The following SPATA46 variants were observed in gnomAD, a reference collection of about 807,000 sequenced individuals.
The protein encoded by SPATA46 is spermatogenesis associated 46.
Under a neutral mutation model 6.2 loss-of-function variants are expected in SPATA46, and 3 were observed. That is an observed-to-expected ratio of 0.48 (90% CI 0.22 to 1.25). SPATA46 has a LOEUF of 1.25. Ranked by LOEUF, SPATA46 falls within the 50% of genes most tolerant of loss-of-function variation. SPATA46 has a pLI of 0.20. For missense variants in SPATA46, 308 were observed against 323.5 expected, an observed-to-expected ratio of 0.95 and a Z score of 0.37; for synonymous variants, 117 against 123.3, an observed-to-expected ratio of 0.95 and a Z score of 0.34.
intron 1 of SPATA46, 66 bp downstream of exon 1, chr1:162,376,622 A>C: frequency 7.2e-7 from 1 of 1,393,460 alleles, no homozygotes; most frequent in Non-Finnish European, 1.0e-6. Context: ...ATGATCTGGT[A>C]GGGTACTCAA....
In SPATA46 at chr1:162,376,098, T is replaced by G. The variant is rs192154470; in HGVS notation, c.103+590A>C. On this transcript the variant is annotated intron_variant, in intron 1 of 2. Coordinates refer to ENST00000367935, the MANE Select transcript of SPATA46 (RefSeq NM_182581.4). ...GATCTGGGGTGGGAACCTGAGATTC[T>G]GCATTTCTAACAAGCTCCCAGACGA... Among the ~76,000 whole-genome samples, 148 of 152,294 alleles carry G rather than the reference T, an allele frequency of 9.7e-4. No homozygotes were observed. The Middle Eastern group carries it at 0.014, about 14-fold the overall frequency.
chr1:162,374,210 C>T lies in SPATA46; in HGVS notation c.624G>A (p.Glu208=). The change falls in exon 3 of 3, where the codon GAG becomes GAA. Residue 208 remains glutamate (E), a synonymous_variant. Coordinates refer to ENST00000367935, the MANE Select transcript of SPATA46 (RefSeq NM_182581.4). ...LKSHIKRGFR[E]GFSCKVYYRK... is the part of the protein sequence containing the mutation. ...GGTAGTACACCTTGCAGCTGAAGCC[C>T]TCCCTGAAGCCCCTCTTGATGTGGC... 6.2e-7 allele frequency: 1 copy of T among 1,614,020 alleles called. No homozygotes were observed. The highest frequency in any genetic ancestry group is 8.5e-7 in the Non-Finnish European group (1 of 1,179,872).
Position 162,374,325 on chromosome 1 carries a change from AGGATGTCCTG to A in SPATA46, c.499_508del (p.Gln167Ter). On this transcript the variant is annotated frameshift_variant, in exon 3 of 3. Transcript: ENST00000367935. LOFTEE classifies it low-confidence loss of function (END_TRUNC). ...TGCTGGGTGCCACCTGGAAGCCATT[AGGATGTCCTG>A]GGATGTGATGGAGTCCAGGCCATGC... 6.2e-7 allele frequency: 1 copy of A among 1,614,102 alleles called. No homozygotes were observed. Among genetic ancestry groups the A allele is most frequent in the South Asian group, 1.1e-5 (1 of 91,074 alleles).
At chr1:162,375,450 C>CCAGAAAGTGGAATCCCA in intron 1 of SPATA46, 47 bp from the exon 2 acceptor site, 1 of 1,529,044 alleles carries the variant, frequency 6.5e-7, no homozygotes, top group Non-Finnish European at 9.1e-7. Context: ...GTTGGGATTC[C>CCAGAAAGTGGAATCCCA]ACTTTCTGGG....
At chr1:162,376,002 G>T (rs1300075227) in intron 1 of SPATA46, among the ~76,000 whole-genome samples, 5 of 152,196 alleles carry the variant, frequency 3.3e-5, no homozygotes, top group Admixed American at 3.3e-4. Context: ...CCACTGAGCA[G>T]TACTTCTCCA....
rs765113492 is a variant in SPATA46, at chr1:162,374,555, CCGG to C, written c.276_278del (p.Tyr92_Arg93delinsTer). On this transcript the variant is annotated stop_gained and inframe_deletion, in exon 3 of 3. Transcript: ENST00000367935. LOFTEE classifies it low-confidence loss of function (END_TRUNC). The stretch of plus-strand genomic sequence containing the variant: ...AGTAGCTGTAGGGGGAGAACCAGGG[CCGG>C]TAGATAGTGCAGTTCCGCCTCAGCT... 19 of 1,614,128 alleles carry C rather than the reference CCGG, an allele frequency of 1.2e-5. No homozygotes were observed. The highest frequency in any genetic ancestry group is 1.5e-5 in the Non-Finnish European group (18 of 1,180,008).
At position 162,373,970 on chromosome 1, in the gene SPATA46, GT is replaced by G; in HGVS notation, c.*77del. The G allele has an allele frequency of 6.9e-7, 1 of 1,440,494 alleles. No individual in the cohort carries two copies. Among genetic ancestry groups the G allele is most frequent in the Non-Finnish European group, 9.4e-7 (1 of 1,065,024 alleles). The allele number at this position is 1,440,494 out of a possible 1,614,324, so 89.2% of individuals were successfully genotyped here. On this transcript the variant is annotated 3_prime_UTR_variant, in exon 3 of 3. Coordinates refer to ENST00000367935, the MANE Select transcript of SPATA46 (RefSeq NM_182581.4). ...ATTAGCCAAAGGTGATGAGAGCCGG[GT>G]TCTGGGAAGGACAGCAGGCTGTGCG...
At position 162,374,797 on chromosome 1, in the gene SPATA46, A is replaced by G. The variant is rs1290109393; in HGVS notation, c.218-181T>C. Reference sequence around the variant, plus strand: ...AGAGCAGCCGAGGGCATTCCTTCTCACTGCATTCTTTTTCTAGGGGTACAA... The same window carrying G: ...AGAGCAGCCGAGGGCATTCCTTCTCGCTGCATTCTTTTTCTAGGGGTACAA... On this transcript the variant is annotated intron_variant, in intron 2 of 2. Coordinates refer to ENST00000367935, the MANE Select transcript of SPATA46 (RefSeq NM_182581.4). 3.3e-5 allele frequency among the ~76,000 whole-genome samples: 5 copies of G among 152,158 alleles called. No individual in the cohort carries two copies. In the East Asian group the frequency reaches 9.6e-4, roughly 29 times the overall value.
At position 162,374,111 on chromosome 1, in the gene SPATA46, CT is replaced by C; in HGVS notation, c.722del (p.Gln241ArgfsTer36). The C allele has an allele frequency of 6.2e-7, 1 of 1,614,140 alleles. No individual in the cohort carries two copies. Among genetic ancestry groups the C allele is most frequent in the African/African-American group, 1.3e-5 (1 of 75,066 alleles). ...GGTGTTCAGCAGGACTATTGAAGGC[CT>C]GGCAGCTGCCGGAGGAGAGCCTGTC... ...LGDRLSSGSC[Q>X]AFNSPAEHLR... On this transcript the variant is annotated frameshift_variant, in exon 3 of 3. Transcript: ENST00000367935. LOFTEE classifies it low-confidence loss of function (END_TRUNC).
rs747652890 is a variant in SPATA46 at position 162,375,347 on chromosome 1, G to A, written c.160C>T (p.Pro54Ser). ...EASSPAQALP[P>S]QYQSIIVRQG... ...CTGACAATGATGCTTTGGTACTGGG[G>A]TGGCAGGGCCTGAGCTGGGCTGGAT... Residue 54 changes from proline to serine, a missense_variant, in exon 2 of 3, where the codon CCC (proline) becomes TCC (serine). Pro to Ser is a moderately conservative substitution (Grantham distance 74, BLOSUM62 -1). Coordinates refer to ENST00000367935, the MANE Select transcript of SPATA46 (RefSeq NM_182581.4). 5.0e-6 allele frequency: 8 copies of A among 1,614,034 alleles called. No homozygotes were observed. Among genetic ancestry groups the A allele is most frequent in the Non-Finnish European group, 5.9e-6 (7 of 1,180,028 alleles).
rs564435306 is a variant in SPATA46, at chr1:162,373,365, C to G, written c.*683G>C. 8 of 152,248 alleles carry G rather than the reference C, an allele frequency of 5.3e-5. No individual in the cohort carries two copies. The highest frequency in any genetic ancestry group is 1.3e-4 in the Admixed American group (2 of 15,292). The allele number at this position is 152,248 out of a possible 1,614,324, so 9.4% of individuals were successfully genotyped here. A position where few individuals can be genotyped will look rare whatever the true frequency, so the allele number is the denominator to read the frequency against. On this transcript the variant is annotated 3_prime_UTR_variant, in exon 3 of 3. Coordinates refer to ENST00000367935, the MANE Select transcript of SPATA46 (RefSeq NM_182581.4). Reference sequence around the variant, plus strand: ...CCCATGTTTACCTGCCTATTTTCACCTGGCTCAAAGCAGCCAAGAAAAGAC... The same window carrying G: ...CCCATGTTTACCTGCCTATTTTCACGTGGCTCAAAGCAGCCAAGAAAAGAC...
At chr1:162,375,254 T>C in intron 2 of SPATA46, 36 bp downstream of exon 2, 1 of 1,553,334 alleles carries the variant, frequency 6.4e-7, no homozygotes, top group African/African-American at 1.4e-5. Context: ...CCTTAGCCTC[T>C]CACACATTCC....
rs778134182 is a variant in SPATA46 at position 162,374,147 on chromosome 1, G to T, written c.687C>A (p.Ala229=). Residue 229 remains alanine (A), a synonymous_variant, in exon 3 of 3, where the codon GCC becomes GCA. Coordinates refer to ENST00000367935, the MANE Select transcript of SPATA46 (RefSeq NM_182581.4). The stretch of plus-strand genomic sequence containing the variant: ...CGGAGGAGAGCCTGTCTCCCAGCCG[G>T]GCCTTCTGCTCCTTGCTCCAGAGGG... ...LKALWSKEQK[A]RLGDRLSSGS... is the part of the protein sequence containing the mutation. 6.2e-6 allele frequency: 10 copies of T among 1,614,248 alleles called. No individual in the cohort carries two copies. The highest frequency in any genetic ancestry group is 7.6e-6 in the Non-Finnish European group (9 of 1,180,040).
chr1:162,374,569 A>G lies in SPATA46; in HGVS notation c.265T>C (p.Cys89Arg). 1 of 1,614,086 alleles carries G rather than the reference A, an allele frequency of 6.2e-7. No homozygotes were observed. ...TQHGEKLRRN[C>R]TIYRPWFSPY... is the part of the protein sequence containing the mutation. ...GAGAACCAGGGCCGGTAGATAGTGCAGTTCCGCCTCAGCTTCTCTCCGTGC... is the reference window on the plus strand; with the variant it reads ...GAGAACCAGGGCCGGTAGATAGTGCGGTTCCGCCTCAGCTTCTCTCCGTGC... The change falls in exon 3 of 3, where the codon TGC becomes CGC. Residue 89 changes from cysteine (C) to arginine (R), a missense_variant. By Grantham distance (180) the Cys-to-Arg change is radical. Coordinates refer to ENST00000367935, the MANE Select transcript of SPATA46 (RefSeq NM_182581.4).
chr1:162,376,405 G>A, intron 1 of SPATA46: 1 of 325,726 alleles, frequency 3.1e-6, no homozygotes, highest in Non-Finnish European at 5.8e-6. Flanking sequence ...GGCAGAGGTT[G>A]CAGTGAGCCG....
chr1:162,375,924 T>G (rs1216742670), intron 1 of SPATA46, among the ~76,000 whole-genome samples: 1 of 152,172 alleles, frequency 6.6e-6, no homozygotes, highest in Non-Finnish European at 1.5e-5. Context: ...ATAGCAGCTG[T>G]GTTCAGTTTG....
At chr1:162,374,672 T>A in intron 2 of SPATA46, 56 bp from the exon 3 acceptor site, 1 of 1,522,800 alleles carries the variant, frequency 6.6e-7, no homozygotes. Flanking sequence ...GAGCCAAGGA[T>A]GCTGGAGCAG....
At chr1:162,375,467 C>G in intron 1 of SPATA46, 64 bp from the exon 2 acceptor site, 3 of 1,299,098 alleles carry the variant, frequency 2.3e-6, no homozygotes, top group Non-Finnish European at 3.4e-6. Context: ...TGGGACTCCC[C>G]CAGGCATACC....
rs749396554 is a variant in SPATA46 at position 162,374,664 on chromosome 1, G to A, written c.218-48C>T. 7 of 1,536,580 alleles carry A rather than the reference G, an allele frequency of 4.6e-6. No individual in the cohort carries two copies. The African/African-American group carries it at 9.6e-5, about 21-fold the overall frequency. ...TGAGTCTCTGGCAGGGAGCAGTGGAGCCAAGGATGCTGGAGCAGAAAGGTA... is the reference window on the plus strand; with the variant it reads ...TGAGTCTCTGGCAGGGAGCAGTGGAACCAAGGATGCTGGAGCAGAAAGGTA... On this transcript the variant is annotated intron_variant, in intron 2 of 2. Transcript: ENST00000367935.
Sources: gnomAD v4.1 joint callset for allele counts (sites outside exome capture counted in the v4.1 genomes callset) on GRCh38, gnomAD v4.1.1 for gene constraint, MANE v1.5 for transcripts, NCBI Gene and HGNC (gene_info 2026-07-23, HGNC 2026-07-21) for gene names.